ABCC5: variants seen among roughly 807,000 people sequenced by gnomAD.
The protein encoded by ABCC5 is ATP binding cassette subfamily C member 5.
ABCC5 carries 61 observed loss-of-function variants against 160.9 expected under a neutral mutation model. The ratio of observed to expected loss-of-function variants is 0.38; its 90% confidence interval spans 0.31 to 0.47. ABCC5 has a LOEUF of 0.47. ABCC5 is among the 20% of genes least tolerant of loss of function. The probability of loss-of-function intolerance (pLI) is 0.99; values close to 1 mark genes in which losing one functional copy is unlikely to be tolerated. For missense variants in ABCC5, 1,308 were observed against 1,813.3 expected (o/e 0.72, Z 5.06); for synonymous variants, 666 against 700.6 (o/e 0.95, Z 0.78).
chr3:183,986,091 G>A (rs575425483), intron 5 of ABCC5: 1 of 153,004 alleles, frequency 6.5e-6, no homozygotes, highest in East Asian at 1.9e-4. Flanking sequence ...TTCCTCAAAA[G>A]GATTTAAGTC....
At position 183,971,645 on chromosome 3, in the gene ABCC5, T is replaced by C. The variant is rs1359179328; in HGVS notation, c.1679A>G (p.Glu560Gly). Residue 560 changes from glutamate (E) to glycine (G), a missense_variant, in exon 11 of 30, where the codon GAA (glutamate) becomes GGA (glycine). Physicochemically the swap from Glu to Gly is moderately conservative, Grantham distance 98. Transcript: ENST00000334444. ...GTGGATGTGCTTGCCTTCTTCCTCTTCGGGACTGGGCCGCTCGTCACTGTC... is the reference window on the plus strand; with the variant it reads ...GTGGATGTGCTTGCCTTCTTCCTCTCCGGGACTGGGCCGCTCGTCACTGTC... ...LLDSDERPSPEEEEGKHIHLG... is the reference protein window; with the variant it reads ...LLDSDERPSPGEEEGKHIHLG... 1 of 1,614,160 alleles carries C rather than the reference T, an allele frequency of 6.2e-7. No individual in the cohort carries two copies. The highest frequency in any genetic ancestry group is 1.7e-5 in the Admixed American group (1 of 60,014).
chr3:183,923,531 G>A (rs1029988739), intron 29 of ABCC5, among the ~76,000 whole-genome samples: 4 of 152,138 alleles, frequency 2.6e-5, no homozygotes, highest in African/African-American at 9.7e-5. Context: ...ACTGAGGCAG[G>A]AGAATCGCTT....
intron 25 of ABCC5, among the ~76,000 whole-genome samples, chr3:183,939,066 C>T (rs1342136487): frequency 6.6e-6 from 1 of 152,212 alleles, no homozygotes; most frequent in Non-Finnish European, 1.5e-5. Context: ...TCATTTTAGG[C>T]ACACTTCCTT....
At chr3:183,928,273 G>A (rs1032680796) in intron 27 of ABCC5, among the ~76,000 whole-genome samples, 4 of 151,918 alleles carry the variant, frequency 2.6e-5, no homozygotes, top group Admixed American at 6.6e-5. Context: ...CACCACACCC[G>A]GCTAATTTTT....
intron 8 of ABCC5, 68 bp from the exon 9 acceptor site, chr3:183,978,719 T>C (rs1425071960): frequency 1.9e-6 from 3 of 1,557,474 alleles, no homozygotes; most frequent in Non-Finnish European, 2.6e-6. Context: ...TTCCTCCACC[T>C]CCAAACAAGA....
chr3:183,948,061 A>C (rs16858273), intron 22 of ABCC5, among the ~76,000 whole-genome samples: 5,454 of 152,246 alleles, frequency 0.036, 320 homozygotes, highest in African/African-American at 0.12. Context: ...GACTCAGGCA[A>C]TGTTTACTGC....
At chr3:184,006,831 T>A (rs1024215437) in intron 2 of ABCC5, among the ~76,000 whole-genome samples, 42 of 151,978 alleles carry the variant, frequency 2.8e-4, no homozygotes, top group African/African-American at 1.0e-3. Flanking sequence ...ACCACAGAAC[T>A]AAGGAAATAC....
intron 10 of ABCC5, among the ~76,000 whole-genome samples, chr3:183,976,840 TC>T (rs967385936): frequency 6.6e-6 from 1 of 152,128 alleles, no homozygotes; most frequent in African/African-American, 2.4e-5. Context: ...CCACATGGCA[TC>T]CCTTTTTTTG....
Position 183,978,779 on chromosome 3 carries a change from C to T in ABCC5, c.1148-128G>A, listed in dbSNP as rs73046591. 279 of 991,078 alleles carry T rather than the reference C, an allele frequency of 2.8e-4. 1 individual carries two copies. In the African/African-American group the frequency reaches 3.9e-3, roughly 14 times the overall value. The allele number at this position is 991,078 out of a possible 1,614,324, so 61.4% of individuals were successfully genotyped here. On this transcript the variant is annotated intron_variant, in intron 8 of 29. Transcript: ENST00000334444. The stretch of plus-strand genomic sequence containing the variant: ...CAACACCTATGACTATCAACTCTAC[C>T]ACTAAAGCTGGTATAAAAGGCTGAG...
At chr3:184,009,191 G>A (rs768938219) in intron 2 of ABCC5, among the ~76,000 whole-genome samples, 6 of 152,074 alleles carry the variant, frequency 3.9e-5, no homozygotes, top group Non-Finnish European at 4.4e-5. Flanking sequence ...TTAATTCCAC[G>A]TGTTAAAGGC....
chr3:183,989,721 G>A (rs1719572717), intron 2 of ABCC5, among the ~76,000 whole-genome samples: 1 of 151,186 alleles, frequency 6.6e-6, no homozygotes, highest in African/African-American at 2.4e-5. Flanking sequence ...TCTTCCATTA[G>A]TGTGGTACCT....
rs1719342368 is a variant in ABCC5 at position 183,987,668 on chromosome 3, C to A, written c.591+102G>T. 6.5e-7 allele frequency: 1 copy of A among 1,538,782 alleles called. No individual in the cohort carries two copies. Among genetic ancestry groups the A allele is most frequent in the South Asian group, 1.2e-5 (1 of 85,904 alleles). On this transcript the variant is annotated intron_variant, in intron 5 of 29. Transcript: ENST00000334444. The surrounding 1 kb of genome is among the most constrained non-coding windows in gnomAD (Gnocchi z 4.2). ...CCTGAAGGCATCTCTAAGACTGCTACCTAGCCCAAAGCTGAGCACAACCTC... is the reference window on the plus strand; with the variant it reads ...CCTGAAGGCATCTCTAAGACTGCTAACTAGCCCAAAGCTGAGCACAACCTC...
In ABCC5 at chr3:183,941,293, G is replaced by A. The variant is rs112201314; in HGVS notation, c.3694+1434C>T. Among the ~76,000 whole-genome samples, 457 of 152,322 alleles carry A rather than the reference G, an allele frequency of 3.0e-3. 1 individual carries two copies. The highest frequency in any genetic ancestry group is 5.0e-3 in the Non-Finnish European group (340 of 68,032). ...ACATCAGTCAGCTTTCAGGGGAGCA[G>A]TGTACCCCTGGGGACGAATGCAGCA... On this transcript the variant is annotated intron_variant, in intron 25 of 29. Transcript: ENST00000334444.
intron 1 of ABCC5, among the ~76,000 whole-genome samples, chr3:184,016,703 C>T (rs1308924624): frequency 6.6e-6 from 1 of 152,184 alleles, no homozygotes; most frequent in Non-Finnish European, 1.5e-5. Context: ...GTTGTCCAGA[C>T]ATGTACAAGG....
Position 183,978,644 on chromosome 3 carries a change from G to A in ABCC5, c.1155C>T (p.Arg385=), listed in dbSNP as rs575670577. 2.5e-5 allele frequency: 41 copies of A among 1,612,468 alleles called. No individual in the cohort carries two copies. Among genetic ancestry groups the A allele is most frequent in the South Asian group, 4.4e-5 (4 of 90,802 alleles). The change falls in exon 9 of 30, where the codon CGC becomes CGT. Residue 385 remains arginine (R), a synonymous_variant. Transcript: ENST00000334444. ...TTTCCAATATCCGACGCTCCTCCTC[G>A]CGGATTTCTATGAATAAAAAGCAAG... ...KAFSQSVQKI[R]EEERRILEKA...
At chr3:183,971,186 C>T (rs1301973044) in intron 11 of ABCC5, among the ~76,000 whole-genome samples, 1 of 152,146 alleles carries the variant, frequency 6.6e-6, no homozygotes. Flanking sequence ...CTGAGAATAC[C>T]TATCATGTGC....
At chr3:183,974,647 T>G (rs1410960575) in intron 10 of ABCC5, among the ~76,000 whole-genome samples, 2 of 152,188 alleles carry the variant, frequency 1.3e-5, no homozygotes, top group African/African-American at 4.8e-5. Flanking sequence ...TAATAATTTT[T>G]CAGTATAAGT....
chr3:183,999,809 AC>A (rs1720597942), intron 2 of ABCC5, among the ~76,000 whole-genome samples: 1 of 151,928 alleles, frequency 6.6e-6, no homozygotes, highest in African/African-American at 2.4e-5. Flanking sequence ...CTACCAACTA[AC>A]CAGATTGGAG....
At chr3:184,012,498 T>A (rs918015517) in intron 2 of ABCC5, among the ~76,000 whole-genome samples, 1 of 152,230 alleles carries the variant, frequency 6.6e-6, no homozygotes, top group Non-Finnish European at 1.5e-5. Context: ...CCATTTTATA[T>A]ACAAATGACG....
Sources: gnomAD v4.1 joint callset for allele counts (sites outside exome capture counted in the v4.1 genomes callset) on GRCh38, gnomAD v4.1.1 for gene constraint, Gnocchi (gnomAD v3.1) non-coding constraint, MANE v1.5 for transcripts, NCBI Gene and HGNC (gene_info 2026-07-23, HGNC 2026-07-21) for gene names.